Variants in KCNA6 observed in about 807,000 individuals in gnomAD.
KCNA6 encodes human brain potassium channel-2.
In KCNA6, 17 loss-of-function variants were observed where a neutral mutation model predicts 29.5. The ratio of observed to expected loss-of-function variants is 0.58; its 90% CI spans 0.39 to 0.86. KCNA6 has a LOEUF of 0.86. Ranked by LOEUF, KCNA6 falls within the 40% of genes least tolerant of loss-of-function variation. The pLI is 0.00. For synonymous variants in KCNA6, 296 were observed against 304.7 expected (o/e 0.97, Z 0.30); for missense variants, 450 against 703.4 (o/e 0.64, Z 4.07).
the KCNA6 span, among the ~76,000 whole-genome samples, chr12:4,826,283 T>G: frequency 6.6e-6 from 1 of 152,212 alleles, no homozygotes; most frequent in South Asian, 2.1e-4. Flanking sequence ...CCTCTGACCC[T>G]CCTCTGCTCA....
At chr12:4,818,800 G>A in the KCNA6 span, among the ~76,000 whole-genome samples, 6 of 151,926 alleles carry the variant, frequency 3.9e-5, no homozygotes, top group African/African-American at 1.5e-4. Flanking sequence ...GCAGCAGCAG[G>A]TGTCCTGTGC....
At chr12:4,818,213 G>A (rs983483805), downstream of KCNA6, among the ~76,000 whole-genome samples, 1 of 152,226 alleles carries the variant, frequency 6.6e-6, no homozygotes. Context: ...ACCTTGCGTT[G>A]CATCCTTCCC....
At chr12:4,823,631 G>T in the KCNA6 span, among the ~76,000 whole-genome samples, 6 of 152,140 alleles carry the variant, frequency 3.9e-5, no homozygotes, top group Admixed American at 3.9e-4. Flanking sequence ...GCCAGGTGTG[G>T]TGGCAGATTT....
rs1946614486 is a variant in KCNA6 at position 4,810,382 on chromosome 12, T to C, written c.341T>C (p.Leu114Pro). The C allele has an allele frequency of 1.2e-6, 2 of 1,614,152 alleles. No individual in the cohort carries two copies. The highest frequency in any genetic ancestry group is 1.7e-6 in the Non-Finnish European group (2 of 1,180,018). Residue 114 changes from leucine to proline, a missense_variant, in exon 1 of 1, where the codon CTG becomes CCG. Physicochemically the swap from Leu to Pro is moderately conservative, Grantham distance 98 (BLOSUM62 -3). Around this residue, in one of 7 missense-constraint regions of KCNA6, gnomAD observed 133 missense variants for 217.5 expected, o/e 0.61. Transcript: ENST00000280684. The surrounding 1 kb of genome is among the most constrained non-coding windows in gnomAD (Gnocchi z 7.5). ...CTGCGGAGGCCGGTCAACGTGCCCCTGGACATTTTCCTGGAGGAGATCCGC... is the reference window on the plus strand; with the variant it reads ...CTGCGGAGGCCGGTCAACGTGCCCCCGGACATTTTCCTGGAGGAGATCCGC...
At chr12:4,826,426 C>G in the KCNA6 span, among the ~76,000 whole-genome samples, 6 of 152,180 alleles carry the variant, frequency 3.9e-5, no homozygotes, top group East Asian at 1.2e-3. Flanking sequence ...CTGTTGTTGC[C>G]TTTGTACCGA....
the KCNA6 span, among the ~76,000 whole-genome samples, chr12:4,830,546 A>G: frequency 6.6e-6 from 1 of 150,718 alleles, no homozygotes; most frequent in African/African-American, 2.4e-5. Flanking sequence ...GAGAAACAGA[A>G]CCCGGTAACG....
At chr12:4,814,044 C>T (rs1248115396), downstream of KCNA6, 1 of 167,048 alleles carries the variant, frequency 6.0e-6, no homozygotes, top group Non-Finnish European at 1.5e-5. The surrounding 1 kb of genome is among the most constrained non-coding windows in gnomAD (Gnocchi z 4.6). Context: ...AATGGGAGCA[C>T]CTCCCACATC....
exon 1 of KCNA6, chr12:4,812,713 A>G (rs967849400): frequency 6.0e-5 from 10 of 167,116 alleles, no homozygotes; most frequent in African/African-American, 1.9e-4. Flanking sequence ...AAAAGCACAC[A>G]TTGGATGGCA....
chr12:4,850,681 C>G, the KCNA6 span: 2 of 383,652 alleles, frequency 5.2e-6, no homozygotes, highest in African/African-American at 4.2e-5. This position sits in a 1 kb window ranked among gnomAD's most constrained non-coding sequence, Gnocchi z 5.4. Flanking sequence ...ATCCCTCATG[C>G]GACACAACCT....
At chr12:4,845,478 G>T in the KCNA6 span, among the ~76,000 whole-genome samples, 3 of 152,090 alleles carry the variant, frequency 2.0e-5, no homozygotes, top group Non-Finnish European at 2.9e-5. Flanking sequence ...TGGATGCTCC[G>T]CAGTCACGTT....
At chr12:4,818,875 C>T in the KCNA6 span, among the ~76,000 whole-genome samples, 2 of 152,058 alleles carry the variant, frequency 1.3e-5, no homozygotes, top group African/African-American at 4.8e-5. Flanking sequence ...TATGCATATA[C>T]ACACATACGT....
At chr12:4,835,294 CT>C in the KCNA6 span, among the ~76,000 whole-genome samples, 54 of 152,118 alleles carry the variant, frequency 3.5e-4, no homozygotes, top group Non-Finnish European at 6.9e-4. Context: ...GCCACTGCGC[CT>C]GGCTAATTTT....
At chr12:4,823,723 C>A in the KCNA6 span, among the ~76,000 whole-genome samples, 5 of 152,190 alleles carry the variant, frequency 3.3e-5, no homozygotes, top group South Asian at 1.0e-3. Flanking sequence ...GCTGAGACTG[C>A]GCCACTGCAC....
the KCNA6 span, among the ~76,000 whole-genome samples, chr12:4,821,905 C>T: frequency 1.3e-5 from 2 of 152,174 alleles, no homozygotes; most frequent in Non-Finnish European, 2.9e-5. Context: ...GGCATGGTCT[C>T]GGCTCACCGC....
downstream of KCNA6, chr12:4,814,510 C>T (rs1207883462): frequency 6.0e-6 from 1 of 167,114 alleles, no homozygotes; most frequent in Non-Finnish European, 1.5e-5. This position sits in a 1 kb window ranked among gnomAD's most constrained non-coding sequence, Gnocchi z 4.6. Context: ...GTAGCTCGAC[C>T]TAGTTTCTGT....
rs1946634480 is a variant in KCNA6 at position 4,811,763 on chromosome 12, C to T, written c.*132C>T. The T allele has an allele frequency of 1.6e-5, 16 of 1,028,352 alleles. 1 individual carries two copies. The South Asian group carries it at 2.2e-4, about 14-fold the overall frequency. The allele number at this position is 1,028,352 out of a possible 1,614,324, so 63.7% of individuals were successfully genotyped here. A position where few individuals can be genotyped will look rare whatever the true frequency, so the allele number is the denominator to read the frequency against. ...TCCCCTACACCCACTACCTGGCATCCAGGACCAAATACCTGGACTATCAAC... is the reference window on the plus strand; with the variant it reads ...TCCCCTACACCCACTACCTGGCATCTAGGACCAAATACCTGGACTATCAAC... On this transcript the variant is annotated 3_prime_UTR_variant, in exon 1 of 1. Transcript: ENST00000280684. This position sits in a 1 kb window ranked among gnomAD's most constrained non-coding sequence, Gnocchi z 7.1.
the KCNA6 span, among the ~76,000 whole-genome samples, chr12:4,844,306 TG>T: frequency 1.3e-5 from 2 of 152,120 alleles, no homozygotes; most frequent in Non-Finnish European, 2.9e-5. This position sits in a 1 kb window ranked among gnomAD's most constrained non-coding sequence, Gnocchi z 4.0. Flanking sequence ...TATAATGAGG[TG>T]GTGCCCTTTA....
At chr12:4,816,036 G>GA (rs933539783), downstream of KCNA6, among the ~76,000 whole-genome samples, 7 of 151,928 alleles carry the variant, frequency 4.6e-5, no homozygotes, top group African/African-American at 1.7e-4. Context: ...ATTGAATTGT[G>GA]AAAAAAAAGA....
At chr12:4,839,014 TCTC>T in the KCNA6 span, 1 of 152,188 alleles carries the variant, frequency 6.6e-6, no homozygotes, top group African/African-American at 2.4e-5. Flanking sequence ...TTAAAGATAT[TCTC>T]CTGCTCTGAC....
Sources: gnomAD v4.1 joint callset for allele counts (sites outside exome capture counted in the v4.1 genomes callset) on GRCh38, gnomAD v4.1.1 for gene constraint, gnomAD v4.1.1 regional missense constraint, Gnocchi (gnomAD v3.1) non-coding constraint, MANE v1.5 for transcripts, NCBI Gene and HGNC (gene_info 2026-07-23, HGNC 2026-07-21) for gene names.